RORA: variants seen among roughly 807,000 people sequenced by gnomAD.
The protein encoded by RORA is nuclear receptor ROR-alpha.
In RORA, 7 loss-of-function variants were observed where a neutral mutation model predicts 69.5. The observed-to-expected ratio is 0.10, with a 90% CI of 0.06 to 0.19. The LOEUF (loss-of-function observed/expected upper bound fraction) is 0.19, where lower values mean the gene tolerates loss of function less well. Ranked by LOEUF, RORA falls within the 10% of genes least tolerant of loss-of-function variation. The pLI is 1.00. For missense variants in RORA, 457 were observed against 663.0 expected, an observed-to-expected ratio of 0.69 and a Z score of 3.41; for synonymous variants, 261 against 240.8, an observed-to-expected ratio of 1.08 and a Z score of -0.78.
chr15:60,946,522 G>A (rs7165574), intron 1 of RORA, among the ~76,000 whole-genome samples: 2,193 of 152,282 alleles, frequency 0.014, 50 homozygotes, highest in African/African-American at 0.049. Context: ...TGCCAGCTTC[G>A]GCCTCCCGAG....
intron 3 of RORA, among the ~76,000 whole-genome samples, chr15:60,520,987 A>C (rs1180991401): frequency 6.6e-6 from 1 of 152,172 alleles, no homozygotes; most frequent in Non-Finnish European, 1.5e-5. Context: ...ATTACCATGC[A>C]GCTATTGCAA....
intron 3 of RORA, chr15:60,529,593 T>C (rs1017838311): frequency 6.6e-6 from 1 of 152,188 alleles, no homozygotes; most frequent in African/African-American, 2.4e-5. Context: ...ACTTTGGCAC[T>C]GAGGAGGTAT....
chr15:60,598,397 C>A (rs1488780079), intron 2 of RORA: 1 of 152,166 alleles, frequency 6.6e-6, no homozygotes, highest in Non-Finnish European at 1.5e-5. Context: ...GAATTTTCTT[C>A]CGCTTCTGCC....
chr15:60,585,648 G>A (rs956016130), intron 2 of RORA, among the ~76,000 whole-genome samples: 1 of 152,084 alleles, frequency 6.6e-6, no homozygotes, highest in East Asian at 1.9e-4. Context: ...AAAAAAATAC[G>A]AGGATTACTA....
intron 2 of RORA, among the ~76,000 whole-genome samples, chr15:60,620,642 T>A (rs574457757): frequency 6.6e-6 from 1 of 152,310 alleles, no homozygotes; most frequent in South Asian, 2.1e-4. Flanking sequence ...GGCTGGCTGG[T>A]GACAGTATCT....
intron 2 of RORA, among the ~76,000 whole-genome samples, chr15:60,634,944 C>T (rs1441614898): frequency 6.6e-6 from 1 of 152,224 alleles, no homozygotes; most frequent in Admixed American, 6.5e-5. Context: ...AAACATCTCA[C>T]TAGTGAACTT....
intron 1 of RORA, among the ~76,000 whole-genome samples, chr15:60,693,041 A>T (rs2070851595): frequency 6.6e-6 from 1 of 152,232 alleles, no homozygotes; most frequent in African/African-American, 2.4e-5. Flanking sequence ...CATTGATGCA[A>T]AAATCCTCAA....
intron 1 of RORA, among the ~76,000 whole-genome samples, chr15:60,937,048 G>C (rs114130192): frequency 3.9e-5 from 6 of 152,272 alleles, no homozygotes; most frequent in African/African-American, 1.4e-4. Context: ...ACCATATGGA[G>C]TGCTCTATGT....
chr15:61,027,375 A>C (rs998490942), intron 1 of RORA, among the ~76,000 whole-genome samples: 1 of 152,226 alleles, frequency 6.6e-6, no homozygotes, highest in African/African-American at 2.4e-5. Context: ...ACACAGAAGA[A>C]GTAGAAGAAA....
chr15:60,511,901 G>C lies in RORA; in HGVS notation c.425-280C>G. On this transcript the variant is annotated intron_variant, in intron 4 of 10. Coordinates refer to ENST00000335670, the MANE Select transcript of RORA (RefSeq NM_134261.3). This position sits in a 1 kb window ranked among gnomAD's most constrained non-coding sequence, Gnocchi z 6.4. ...GAGATGCCACTTCTGTTTCCCTGCT[G>C]TCACATCCCCCGTTTCCACTGCGCC... 2 of 364,414 alleles carry C rather than the reference G, an allele frequency of 5.5e-6. No homozygotes were observed. 22.6% of individuals were successfully genotyped at this position (364,414 alleles called of 1,614,324 possible). A position where few individuals can be genotyped will look rare whatever the true frequency, so the allele number is the denominator to read the frequency against.
intron 1 of RORA, among the ~76,000 whole-genome samples, chr15:60,784,801 A>T (rs191223938): frequency 2.8e-4 from 43 of 152,348 alleles, no homozygotes; most frequent in Admixed American, 5.2e-4. Flanking sequence ...TCTATAAAGT[A>T]GAAATGTCGC....
At chr15:60,744,482 G>A (rs1366105618) in intron 1 of RORA, among the ~76,000 whole-genome samples, 1 of 152,172 alleles carries the variant, frequency 6.6e-6, no homozygotes, top group Admixed American at 6.5e-5. Context: ...GTAGGAACCT[G>A]AAGACCTGCA....
intron 1 of RORA, among the ~76,000 whole-genome samples, chr15:60,775,623 A>C (rs144426063): frequency 2.2e-3 from 333 of 152,182 alleles, no homozygotes; most frequent in African/African-American, 7.7e-3. Context: ...CCCCTACTCA[A>C]GGCACGAGCA....
At chr15:60,726,305 A>G (rs929335162) in intron 1 of RORA, among the ~76,000 whole-genome samples, 3 of 152,214 alleles carry the variant, frequency 2.0e-5, no homozygotes, top group Non-Finnish European at 4.4e-5. Context: ...AGTCTAAGAA[A>G]TGAATGGGGT....
intron 1 of RORA, among the ~76,000 whole-genome samples, chr15:60,740,367 C>T (rs1167615689): frequency 6.6e-6 from 1 of 152,168 alleles, no homozygotes; most frequent in Non-Finnish European, 1.5e-5. Context: ...CTCTGCCTGT[C>T]CATTTAAATT....
At chr15:60,573,939 T>C (rs1159218556) in intron 2 of RORA, among the ~76,000 whole-genome samples, 1 of 152,234 alleles carries the variant, frequency 6.6e-6, no homozygotes, top group Non-Finnish European at 1.5e-5. Context: ...TTCCAGCACT[T>C]TTTATAGTGC....
At chr15:60,878,505 C>G (rs1317498372) in intron 1 of RORA, among the ~76,000 whole-genome samples, 1 of 152,142 alleles carries the variant, frequency 6.6e-6, no homozygotes, top group Admixed American at 6.5e-5. Flanking sequence ...AATCATGGCT[C>G]AGAAACTGAA....
At chr15:60,819,765 A>ACACACACACACG (rs1196179318) in intron 1 of RORA, among the ~76,000 whole-genome samples, 67 of 124,446 alleles carry the variant, frequency 5.4e-4, no homozygotes, top group Admixed American at 2.7e-3. Flanking sequence ...ACACACACAC[A>ACACACACACACG]CACACACACA....
chr15:60,517,301 C>T (rs1007746135), intron 3 of RORA, among the ~76,000 whole-genome samples: 6 of 151,978 alleles, frequency 3.9e-5, no homozygotes, highest in African/African-American at 1.5e-4. Context: ...ACTTCTCACT[C>T]CTCTTGCTTT....
Sources: allele counts gnomAD v4.1 joint callset (sites outside exome capture counted in the v4.1 genomes callset), GRCh38; gene constraint gnomAD v4.1.1; non-coding constraint Gnocchi (gnomAD v3.1); transcripts MANE v1.5; gene names NCBI Gene and HGNC (gene_info 2026-07-23, HGNC 2026-07-21).